ARHGEF11: variants seen among roughly 807,000 people sequenced by gnomAD.
The protein encoded by ARHGEF11 is Rho guanine nucleotide exchange factor 11.
Under a neutral mutation model 193.7 loss-of-function variants are expected in ARHGEF11, and 55 were observed. The ratio of observed to expected loss-of-function variants is 0.28; its 90% CI spans 0.23 to 0.36. ARHGEF11 has a LOEUF of 0.36. Among genes scored for constraint, ARHGEF11 ranks in the 10% least tolerant of loss-of-function variants. The pLI, the probability that ARHGEF11 is intolerant of heterozygous loss-of-function variation, is 1.00. For synonymous variants in ARHGEF11, 693 were observed against 768.0 expected (o/e 0.90, Z 1.62); for missense variants, 1,723 against 2,005.6 (o/e 0.86, Z 2.69).
chr1:156,959,277 C>G, intron 15 of ARHGEF11, 135 bp from the exon 16 acceptor site: 1 of 713,012 alleles, frequency 1.4e-6, no homozygotes, highest in Non-Finnish European at 2.4e-6. Context: ...CCCTGTTAGT[C>G]TAAAAGGAGA....
At chr1:157,013,704 T>C (rs1571500060) in intron 1 of ARHGEF11, among the ~76,000 whole-genome samples, 2 of 150,496 alleles carry the variant, frequency 1.3e-5, no homozygotes, top group Admixed American at 1.3e-4. Context: ...ACATTTTGAA[T>C]CTTGACATTG....
At chr1:157,011,047 GAGAA>G (rs1437793537) in intron 1 of ARHGEF11, among the ~76,000 whole-genome samples, 1 of 152,120 alleles carries the variant, frequency 6.6e-6, no homozygotes, top group African/African-American at 2.4e-5. Context: ...AAACAATCCT[GAGAA>G]AGAATCAAGT....
At chr1:157,009,452 T>C (rs970256588) in intron 1 of ARHGEF11, among the ~76,000 whole-genome samples, 1 of 152,156 alleles carries the variant, frequency 6.6e-6, no homozygotes, top group Non-Finnish European at 1.5e-5. Flanking sequence ...GTTTGTGCAA[T>C]GTACAAATAA....
chr1:156,973,274 C>T (rs549815261), intron 7 of ARHGEF11, among the ~76,000 whole-genome samples: 1 of 152,198 alleles, frequency 6.6e-6, no homozygotes. Context: ...GGGCCCTGCA[C>T]TTCTTTGTTT....
At chr1:156,965,912 C>T (rs1661616562) in intron 11 of ARHGEF11, among the ~76,000 whole-genome samples, 1 of 152,214 alleles carries the variant, frequency 6.6e-6, no homozygotes, top group Non-Finnish European at 1.5e-5. Context: ...AGATGCCACT[C>T]AGAAGACAAT....
intron 1 of ARHGEF11, among the ~76,000 whole-genome samples, chr1:157,018,560 G>T (rs1334478729): frequency 6.6e-6 from 1 of 151,884 alleles, no homozygotes; most frequent in East Asian, 1.9e-4. Context: ...CAGGAGAATG[G>T]CGTGAACCTG....
At chr1:156,946,542 T>A (rs1358232438) in intron 28 of ARHGEF11, 120 bp downstream of exon 28, 1 of 1,395,852 alleles carries the variant, frequency 7.2e-7, no homozygotes, top group Non-Finnish European at 9.9e-7. Context: ...GGAGCGTGTG[T>A]CGAAGGGTAG....
chr1:156,986,591 T>C (rs2102489602), intron 1 of ARHGEF11, among the ~76,000 whole-genome samples: 1 of 152,268 alleles, frequency 6.6e-6, no homozygotes, highest in South Asian at 2.1e-4. Context: ...CAGTTAGTTT[T>C]AGGCAATGAT....
At position 156,948,521 on chromosome 1, in the gene ARHGEF11, T is replaced by C. The variant is rs1658568174; in HGVS notation, c.1926-23A>G. The C allele has an allele frequency of 6.2e-7, 1 of 1,614,008 alleles. No homozygotes were observed. The highest frequency in any genetic ancestry group is 1.7e-5 in the Admixed American group (1 of 60,006). ...GAACTGGGGGGAAGGGACAAAAGACTTTGGGACTTGGGAAGTCAGTGGGCC... is the reference window on the plus strand; with the variant it reads ...GAACTGGGGGGAAGGGACAAAAGACCTTGGGACTTGGGAAGTCAGTGGGCC... On this transcript the variant is annotated intron_variant, in intron 22 of 40. Coordinates refer to ENST00000368194, the MANE Select transcript of ARHGEF11 (RefSeq NM_198236.3). This position sits in a 1 kb window ranked among gnomAD's most constrained non-coding sequence, Gnocchi z 4.2.
intron 11 of ARHGEF11, 63 bp downstream of exon 11, chr1:156,967,924 C>T: frequency 6.2e-7 from 1 of 1,610,480 alleles, no homozygotes; most frequent in African/African-American, 1.3e-5. Flanking sequence ...ACTGGTAACA[C>T]CCATGCCTCC....
rs3765791 is a variant in ARHGEF11, at chr1:156,935,743, G to A, written c.*257C>T. ...AGACCATGGTGAGTGGGGGCCTTTCGGATGCAGTCAGCATGCTTAGGAGAC... is the reference window on the plus strand; with the variant it reads ...AGACCATGGTGAGTGGGGGCCTTTCAGATGCAGTCAGCATGCTTAGGAGAC... On this transcript the variant is annotated 3_prime_UTR_variant, in exon 41 of 41. Transcript: ENST00000368194. 213 of 485,684 alleles carry A rather than the reference G, an allele frequency of 4.4e-4. 4 individuals carry two copies. In the East Asian group the frequency reaches 7.0e-3, roughly 16 times the overall value. The allele number at this position is 485,684 out of a possible 1,614,324, so 30.1% of individuals were successfully genotyped here.
rs192645411 is a variant in ARHGEF11 at position 156,993,360 on chromosome 1, T to C, written c.33-7187A>G. Among the ~76,000 whole-genome samples the C allele has an allele frequency of 2.6e-5, 4 of 152,284 alleles. No individual in the cohort carries two copies. The East Asian group carries it at 7.7e-4, about 29-fold the overall frequency. Reference sequence around the variant, plus strand: ...CACATGTGCCCACACACATATAATATATACATATATGACATGATTAAAGAT... The same window carrying C: ...CACATGTGCCCACACACATATAATACATACATATATGACATGATTAAAGAT... On this transcript the variant is annotated intron_variant, in intron 1 of 40. Transcript: ENST00000368194.
chr1:157,013,947 A>G lies in ARHGEF11; in HGVS notation c.33-27774T>C, dbSNP rs544298691. Among the ~76,000 whole-genome samples the G allele has an allele frequency of 2.0e-5, 3 of 152,298 alleles. No individual in the cohort carries two copies. In the South Asian group the frequency reaches 6.2e-4, roughly 32 times the overall value. On this transcript the variant is annotated intron_variant, in intron 1 of 40. Transcript: ENST00000368194. ...TCCCATCAAATTTGTCCAACAAACT[A>G]GCTCTGGAGAAAAGCTCCCATTTTC...
At chr1:157,036,310 TTTTTTTGTTTG>T (rs1239920420) in intron 1 of ARHGEF11, among the ~76,000 whole-genome samples, 1 of 144,420 alleles carries the variant, frequency 6.9e-6, no homozygotes, top group Non-Finnish European at 1.5e-5. Context: ...ACTACTCACT[TTTTTTTGTTTG>T]TTTTTTGTTT....
chr1:156,983,130 T>C (rs2102446216), intron 3 of ARHGEF11, among the ~76,000 whole-genome samples: 1 of 152,310 alleles, frequency 6.6e-6, no homozygotes, highest in African/African-American at 2.4e-5. Context: ...ACCAGCCCAA[T>C]GCTACTTACT....
intron 1 of ARHGEF11, among the ~76,000 whole-genome samples, chr1:157,028,180 A>T (rs1670877290): frequency 6.6e-6 from 1 of 152,226 alleles, no homozygotes. Context: ...ACTGAACAAT[A>T]CTGATCTGTG....
intron 1 of ARHGEF11, among the ~76,000 whole-genome samples, chr1:157,000,578 G>C (rs557794341): frequency 6.6e-6 from 1 of 152,286 alleles, no homozygotes; most frequent in South Asian, 2.1e-4. Context: ...CTTTCTTAAG[G>C]TGGATTTTAA....
chr1:156,969,376 T>C lies in ARHGEF11; in HGVS notation c.749-18A>G, dbSNP rs1426596217. The stretch of plus-strand genomic sequence containing the variant: ...GAGCCGGCCTGAGAAGAAAATAGTT[T>C]CTATAACACAGAAGGAGCTGTGGCC... On this transcript the variant is annotated intron_variant, in intron 9 of 40. Coordinates refer to ENST00000368194, the MANE Select transcript of ARHGEF11 (RefSeq NM_198236.3). 12 of 1,591,752 alleles carry C rather than the reference T, an allele frequency of 7.5e-6. No individual in the cohort carries two copies. The highest frequency in any genetic ancestry group is 1.0e-5 in the Non-Finnish European group (12 of 1,167,522).
chr1:156,936,480 GAAAAA>G (rs35863393), intron 40 of ARHGEF11, among the ~76,000 whole-genome samples: 28 of 48,016 alleles, frequency 5.8e-4, no homozygotes, highest in African/African-American at 2.3e-3. Context: ...CAAATAAATA[GAAAAA>G]AAAAAAAAAA....
Sources: allele counts gnomAD v4.1 joint callset (sites outside exome capture counted in the v4.1 genomes callset), GRCh38; gene constraint gnomAD v4.1.1; non-coding constraint Gnocchi (gnomAD v3.1); transcripts MANE v1.5; gene names NCBI Gene and HGNC (gene_info 2026-07-23, HGNC 2026-07-21).